FSHR: variants seen among roughly 807,000 people sequenced by gnomAD.
The protein encoded by FSHR is follicle stimulating hormone receptor.
Under a neutral mutation model 52.1 loss-of-function variants are expected in FSHR, and 46 were observed. That is an observed-to-expected ratio of 0.88 (90% CI 0.70 to 1.13). FSHR has a LOEUF of 1.13. Among genes scored for constraint, FSHR ranks in the 50% most tolerant of loss-of-function variants. The pLI is 0.00. For synonymous variants in FSHR, 399 were observed against 309.6 expected, an observed-to-expected ratio of 1.29 and a Z score of -3.03; for missense variants, 964 against 834.6, an observed-to-expected ratio of 1.16 and a Z score of -1.91.
chr2:49,091,545 A>T (rs569673628), intron 1 of FSHR, among the ~76,000 whole-genome samples: 1 of 151,974 alleles, frequency 6.6e-6, no homozygotes, highest in Non-Finnish European at 1.5e-5. Context: ...GATCTGCCCA[A>T]CTTGGCCTCC....
At chr2:49,023,404 T>C (rs1469391720) in intron 2 of FSHR, among the ~76,000 whole-genome samples, 1 of 152,214 alleles carries the variant, frequency 6.6e-6, no homozygotes, top group Non-Finnish European at 1.5e-5. Context: ...TTCAGGCCTA[T>C]GAATATCATC....
chr2:49,090,671 C>G (rs1670569305), intron 1 of FSHR, among the ~76,000 whole-genome samples: 1 of 152,138 alleles, frequency 6.6e-6, no homozygotes, highest in South Asian at 2.1e-4. Flanking sequence ...ATATGTTTGA[C>G]TACATAAAAA....
intron 1 of FSHR, among the ~76,000 whole-genome samples, chr2:49,141,515 G>C (rs1394265824): frequency 6.6e-6 from 1 of 152,078 alleles, no homozygotes; most frequent in Admixed American, 6.6e-5. Flanking sequence ...TGACTATCAA[G>C]AGAACAGCAC....
intron 1 of FSHR, among the ~76,000 whole-genome samples, chr2:49,153,338 G>T (rs1415082702): frequency 6.6e-6 from 1 of 152,152 alleles, no homozygotes; most frequent in African/African-American, 2.4e-5. Context: ...GTCCCAACTT[G>T]CCAGTTCTCA....
intron 2 of FSHR, among the ~76,000 whole-genome samples, chr2:49,022,453 A>G (rs886330092): frequency 2.0e-5 from 3 of 152,102 alleles, no homozygotes; most frequent in East Asian, 1.9e-4. Context: ...AAGTCCTTCA[A>G]TGAGAAATTT....
chr2:49,109,336 C>T (rs574902920), intron 1 of FSHR, among the ~76,000 whole-genome samples: 21 of 151,996 alleles, frequency 1.4e-4, no homozygotes, highest in African/African-American at 4.8e-4. Context: ...TTATGCCCAT[C>T]GAAAAATGTG....
intron 1 of FSHR, among the ~76,000 whole-genome samples, chr2:49,107,711 C>G (rs1193833085): frequency 2.0e-5 from 3 of 152,100 alleles, no homozygotes; most frequent in Non-Finnish European, 4.4e-5. Flanking sequence ...TTTGATAACA[C>G]TACAAAGTAA....
intron 1 of FSHR, among the ~76,000 whole-genome samples, chr2:49,146,595 T>C (rs1672880301): frequency 6.6e-6 from 1 of 152,050 alleles, no homozygotes. Flanking sequence ...ACTCTCTAAA[T>C]CCCACAAGTG....
rs148889832 is a variant in FSHR at position 48,967,170 on chromosome 2, A to G, written c.854+1528T>C. ...AAGTACAGTGGCACAATTATAGCTC[A>G]CTGCAGCCTCGACCTCCTGGGCTCA... On this transcript the variant is annotated intron_variant, in intron 9 of 9. Coordinates refer to ENST00000406846, the MANE Select transcript of FSHR (RefSeq NM_000145.4). Among the ~76,000 whole-genome samples, 473 of 152,086 alleles carry G rather than the reference A, an allele frequency of 3.1e-3. 2 individuals are homozygous for G. Among genetic ancestry groups the G allele is most frequent in the African/African-American group, 0.011 (449 of 41,496 alleles).
rs572504975 is a variant in FSHR, at chr2:48,996,787, A to T, written c.375-6150T>A. On this transcript the variant is annotated intron_variant, in intron 4 of 9. Coordinates refer to ENST00000406846, the MANE Select transcript of FSHR (RefSeq NM_000145.4). Reference sequence around the variant, plus strand: ...CTGCAAAAGCACATGTCTAGGAATAATGCAAAAGTGTTTCACGTACTGATT... The same window carrying T: ...CTGCAAAAGCACATGTCTAGGAATATTGCAAAAGTGTTTCACGTACTGATT... Among the ~76,000 whole-genome samples the T allele has an allele frequency of 2.0e-5, 3 of 152,256 alleles. No individual in the cohort carries two copies. The South Asian group carries it at 6.2e-4, about 32-fold the overall frequency.
intron 1 of FSHR, among the ~76,000 whole-genome samples, chr2:49,110,471 G>A (rs568238432): frequency 6.6e-6 from 1 of 152,072 alleles, no homozygotes; most frequent in Non-Finnish European, 1.5e-5. Context: ...TACATCCACC[G>A]ATATTCCATA....
At chr2:49,054,274 G>C (rs1668973668) in intron 2 of FSHR, among the ~76,000 whole-genome samples, 1 of 152,182 alleles carries the variant, frequency 6.6e-6, no homozygotes. Context: ...CTAGCTGTGT[G>C]CCCATGTCTT....
At chr2:49,013,502 A>ATG (rs1491558388) in intron 4 of FSHR, among the ~76,000 whole-genome samples, 2 of 67,308 alleles carry the variant, frequency 3.0e-5, no homozygotes, top group Admixed American at 1.9e-4. Flanking sequence ...ATATATATAA[A>ATG]TATATATATA....
At chr2:49,092,653 T>A (rs573378736) in intron 1 of FSHR, among the ~76,000 whole-genome samples, 4 of 152,080 alleles carry the variant, frequency 2.6e-5, no homozygotes, top group African/African-American at 9.6e-5. Context: ...TGAATTTCTT[T>A]ATTTTATTAT....
At chr2:49,003,897 T>C (rs1666993469) in intron 4 of FSHR, among the ~76,000 whole-genome samples, 1 of 150,566 alleles carries the variant, frequency 6.6e-6, no homozygotes, top group South Asian at 2.2e-4. Context: ...CCCATCCCCA[T>C]GGAGATGGGT....
intron 2 of FSHR, among the ~76,000 whole-genome samples, chr2:49,028,899 G>A (rs1027112315): frequency 6.6e-6 from 1 of 152,198 alleles, no homozygotes; most frequent in Non-Finnish European, 1.5e-5. Flanking sequence ...TGTTCTGAAA[G>A]TCCCTGATAT....
At chr2:49,133,716 C>G (rs1383051404) in intron 1 of FSHR, among the ~76,000 whole-genome samples, 3 of 152,122 alleles carry the variant, frequency 2.0e-5, no homozygotes, top group Non-Finnish European at 4.4e-5. Context: ...GATACCAAAA[C>G]AGAGATATAG....
In FSHR at chr2:49,129,508, C is replaced by G. The variant is rs541291907; in HGVS notation, c.152+24758G>C. Among the ~76,000 whole-genome samples, 6 of 152,306 alleles carry G rather than the reference C, an allele frequency of 3.9e-5. No homozygotes were observed. The East Asian group carries it at 9.6e-4, about 24-fold the overall frequency. Reference sequence around the variant, plus strand: ...TGCAGGGCTATTGGAAGCACTCAATCAGTCCTCACTGATGTGAGCAGCAGA... The same window carrying G: ...TGCAGGGCTATTGGAAGCACTCAATGAGTCCTCACTGATGTGAGCAGCAGA... On this transcript the variant is annotated intron_variant, in intron 1 of 9. Transcript: ENST00000406846.
intron 1 of FSHR, among the ~76,000 whole-genome samples, chr2:49,118,538 C>T (rs1177603391): frequency 3.3e-5 from 5 of 152,100 alleles, no homozygotes; most frequent in Admixed American, 2.0e-4. Flanking sequence ...ATAGAAAATT[C>T]CAGGCAGCAG....
Sources: allele counts gnomAD v4.1 joint callset (sites outside exome capture counted in the v4.1 genomes callset), GRCh38; gene constraint gnomAD v4.1.1; transcripts MANE v1.5; gene names NCBI Gene and HGNC (gene_info 2026-07-23, HGNC 2026-07-21).